Variants in VRK2 observed in about 807,000 individuals in gnomAD.
VRK2 encodes serine/threonine-protein kinase VRK2.
Under a neutral mutation model 57.6 loss-of-function variants are expected in VRK2, and 60 were observed. That is an observed-to-expected ratio of 1.04 (90% CI 0.85 to 1.29). VRK2 has a LOEUF of 1.29. Ranked by LOEUF, VRK2 falls within the 50% of genes most tolerant of loss-of-function variation. The probability of loss-of-function intolerance (pLI) is 0.00; values close to 1 mark genes in which losing one functional copy is unlikely to be tolerated. For synonymous variants in VRK2, 231 were observed against 199.2 expected (o/e 1.16, Z -1.35); for missense variants, 705 against 588.1 (o/e 1.20, Z -2.06).
intron 1 of VRK2, chr2:58,047,208 C>G (rs1431744145): frequency 7.9e-6 from 2 of 252,164 alleles, no homozygotes; most frequent in Non-Finnish European, 6.3e-6. Flanking sequence ...CGTAGGTCCC[C>G]GGCGTGCTAA....
At chr2:57,922,487 T>TGTGTGTGTGA (rs1260003001) in intron 1 of VRK2, among the ~76,000 whole-genome samples, 1 of 148,946 alleles carries the variant, frequency 6.7e-6, no homozygotes, top group Admixed American at 6.7e-5. Context: ...TGTGTGTGTG[T>TGTGTGTGTGA]GATGAGAATA....
intron 1 of VRK2, among the ~76,000 whole-genome samples, chr2:57,975,959 G>A (rs566129234): frequency 1.3e-5 from 2 of 151,786 alleles, no homozygotes; most frequent in East Asian, 1.9e-4. Context: ...TGTTGTTCCC[G>A]TTTGTGTCCA....
At chr2:58,030,212 C>G (rs898379603) in intron 2 of VRK2, among the ~76,000 whole-genome samples, 1 of 152,038 alleles carries the variant, frequency 6.6e-6, no homozygotes, top group South Asian at 2.1e-4. Context: ...CTGCTTTTTC[C>G]TCAGATCTAA....
At chr2:57,912,988 C>T (rs1670036380) in intron 1 of VRK2, among the ~76,000 whole-genome samples, 1 of 152,166 alleles carries the variant, frequency 6.6e-6, no homozygotes, top group African/African-American at 2.4e-5. Context: ...AGAAGACAAG[C>T]TGTCTATGAA....
intron 7 of VRK2, among the ~76,000 whole-genome samples, chr2:58,093,874 C>T (rs1277964908): frequency 4.6e-5 from 7 of 151,988 alleles, no homozygotes; most frequent in Non-Finnish European, 8.8e-5. Context: ...GTTTCAGCTT[C>T]CTACATATGG....
intron 7 of VRK2, among the ~76,000 whole-genome samples, chr2:58,115,481 CAG>C: frequency 6.6e-6 from 1 of 152,264 alleles, no homozygotes; most frequent in Admixed American, 6.5e-5. Context: ...GGGCCTCTAA[CAG>C]TATTAAAGCA....
chr2:58,046,508 C>A, upstream of VRK2: 2 of 985,516 alleles, frequency 2.0e-6, no homozygotes, highest in Non-Finnish European at 2.4e-6. Context: ...AAATGCATGT[C>A]GTGCTTATTT....
At chr2:57,921,044 C>A (rs923420750) in intron 1 of VRK2, among the ~76,000 whole-genome samples, 2 of 151,984 alleles carry the variant, frequency 1.3e-5, no homozygotes, top group Non-Finnish European at 2.9e-5. Context: ...TGACTGTTAA[C>A]GAATTAATCA....
intron 7 of VRK2, among the ~76,000 whole-genome samples, chr2:58,107,999 C>T (rs988585200): frequency 2.0e-5 from 3 of 152,036 alleles, no homozygotes; most frequent in Non-Finnish European, 2.9e-5. Flanking sequence ...AGGCCCTTTA[C>T]GTCTTTCCAT....
intron 7 of VRK2, among the ~76,000 whole-genome samples, chr2:58,111,062 C>T (rs953181193): frequency 3.3e-5 from 5 of 152,136 alleles, no homozygotes; most frequent in African/African-American, 7.2e-5. Flanking sequence ...GTGGCTGCAA[C>T]ACTACATTTT....
At chr2:58,044,496 T>C (rs965729956), upstream of VRK2, among the ~76,000 whole-genome samples, 4 of 152,200 alleles carry the variant, frequency 2.6e-5, no homozygotes, top group African/African-American at 7.2e-5. Flanking sequence ...TCATGAAACA[T>C]ACAATTTACT....
At chr2:58,013,564 T>C (rs567960763) in intron 1 of VRK2, among the ~76,000 whole-genome samples, 1 of 152,210 alleles carries the variant, frequency 6.6e-6, no homozygotes, top group Non-Finnish European at 1.5e-5. Context: ...AAAACAGATA[T>C]GATTCTTGCC....
At chr2:58,057,386 A>G (rs1201981775) in intron 2 of VRK2, among the ~76,000 whole-genome samples, 1 of 152,232 alleles carries the variant, frequency 6.6e-6, no homozygotes, top group Non-Finnish European at 1.5e-5. Flanking sequence ...TTAAAATACA[A>G]GAAGCTGTGT....
At chr2:58,077,833 A>C (rs553749124) in intron 2 of VRK2, among the ~76,000 whole-genome samples, 2 of 152,184 alleles carry the variant, frequency 1.3e-5, no homozygotes, top group African/African-American at 4.8e-5. Context: ...TTCCTTCTTC[A>C]TGCATGGAAA....
chr2:58,123,595 C>T (rs1272172405), intron 8 of VRK2, among the ~76,000 whole-genome samples: 2 of 152,086 alleles, frequency 1.3e-5, no homozygotes, highest in South Asian at 4.1e-4. Flanking sequence ...GGTGCAGTGG[C>T]TCACACCTAT....
intron 2 of VRK2, among the ~76,000 whole-genome samples, chr2:58,082,909 A>G (rs1671095375): frequency 6.6e-6 from 1 of 151,782 alleles, no homozygotes; most frequent in African/African-American, 2.4e-5. Context: ...CTCAACTGTA[A>G]TGTACAATTT....
chr2:57,953,861 A>G (rs1572900676), intron 1 of VRK2, among the ~76,000 whole-genome samples: 1 of 152,326 alleles, frequency 6.6e-6, no homozygotes, highest in African/African-American at 2.4e-5. Context: ...GAATTTTTAT[A>G]AGTAAAAAGT....
intron 2 of VRK2, among the ~76,000 whole-genome samples, chr2:58,077,519 AT>A (rs3836116): frequency 0.081 from 12,007 of 148,550 alleles, 500 homozygotes; most frequent in South Asian, 0.12. Flanking sequence ...CGTCTCCTCC[AT>A]TTTTTTTTTA....
chr2:58,091,209 C>G (rs1180085332), intron 7 of VRK2, among the ~76,000 whole-genome samples: 2 of 152,044 alleles, frequency 1.3e-5, no homozygotes, highest in African/African-American at 4.8e-5. Flanking sequence ...TAAACTGTGG[C>G]TTTTGGATGA....
Sources: allele counts gnomAD v4.1 joint callset (sites outside exome capture counted in the v4.1 genomes callset), GRCh38; gene constraint gnomAD v4.1.1; transcripts MANE v1.5; gene names NCBI Gene and HGNC (gene_info 2026-07-23, HGNC 2026-07-21).